The following PDCD6 variants were observed in gnomAD, a reference collection of about 807,000 sequenced individuals.
PDCD6 encodes programmed cell death 6, also known as programmed cell death protein 6.
A neutral mutation model predicts 28.3 loss-of-function variants in PDCD6; 12 were observed. The ratio of observed to expected loss-of-function variants is 0.42; its 90% confidence interval spans 0.27 to 0.69. PDCD6 has a LOEUF of 0.69. PDCD6 is among the 30% of genes least tolerant of loss of function. The pLI, the probability that PDCD6 is intolerant of heterozygous loss-of-function variation, is 0.22. For missense variants in PDCD6, 226 were observed against 269.9 expected (o/e 0.84, Z 1.14); for synonymous variants, 92 against 108.0 (o/e 0.85, Z 0.92).
At chr5:289,265 C>A (rs576801671) in intron 2 of PDCD6, 36 of 554,552 alleles carry the variant, frequency 6.5e-5, no homozygotes, top group African/African-American at 6.0e-4. Flanking sequence ...CCCTGAAATT[C>A]AGCAACAACT....
chr5:309,378 A>G (rs1740745587), intron 4 of PDCD6: 1 of 155,632 alleles, frequency 6.4e-6, no homozygotes, highest in African/African-American at 2.4e-5. Context: ...TCGTTTGTTC[A>G]TCCCTCATTT....
chr5:279,446 C>A (rs1166899544), intron 2 of PDCD6, among the ~76,000 whole-genome samples: 1 of 152,076 alleles, frequency 6.6e-6, no homozygotes, highest in Non-Finnish European at 1.5e-5. Flanking sequence ...GCGTGTGGAG[C>A]AGGCATGGTT....
At chr5:285,281 CG>C (rs917442386) in intron 2 of PDCD6, among the ~76,000 whole-genome samples, 3 of 151,476 alleles carry the variant, frequency 2.0e-5, no homozygotes, top group Admixed American at 6.6e-5. Context: ...GCTGGAGACC[CG>C]GGGGGGAACT....
rs565177980 is a variant in PDCD6 at position 307,350 on chromosome 5, G to A, written c.367+590G>A. 2.5e-5 allele frequency among the ~76,000 whole-genome samples: 3 copies of A among 117,990 alleles called. No homozygotes were observed. Among genetic ancestry groups the A allele is most frequent in the East Asian group, 4.1e-4 (2 of 4,834 alleles). 77.4% of individuals were successfully genotyped at this position (117,990 alleles called of 152,430 possible). A position where few individuals can be genotyped will look rare whatever the true frequency, so the allele number is the denominator to read the frequency against. ...AGGTGTGCTCGGCGTGTGTGTGCTC[G>A]GCGTGTGTGTGCACACGTGTGCCGT... is the stretch of plus-strand genomic sequence containing the variant. On this transcript the variant is annotated intron_variant, in intron 4 of 5. Transcript: ENST00000264933. The surrounding 1 kb of genome is among the most constrained non-coding windows in gnomAD (Gnocchi z 6.1).
At chr5:281,550 A>G (rs1462255948) in intron 2 of PDCD6, among the ~76,000 whole-genome samples, 2 of 152,120 alleles carry the variant, frequency 1.3e-5, no homozygotes, top group African/African-American at 4.8e-5. Context: ...AGGGTCATGC[A>G]GATGGAGATC....
chr5:290,334 T>TC, intron 2 of PDCD6: 1 of 1,207,654 alleles, frequency 8.3e-7, no homozygotes. Context: ...CTTCCTGGAG[T>TC]CCCTCACAGC....
chr5:296,866 AG>A (rs199507199), intron 2 of PDCD6, among the ~76,000 whole-genome samples: 14,466 of 151,912 alleles, frequency 0.095, 926 homozygotes, highest in Non-Finnish European at 0.13. Context: ...TTTCAGGGCA[AG>A]GGTCACCGGG....
intron 2 of PDCD6, among the ~76,000 whole-genome samples, chr5:291,615 T>C (rs917402620): frequency 6.6e-6 from 1 of 150,834 alleles, no homozygotes; most frequent in Non-Finnish European, 1.5e-5. Flanking sequence ...TTTTCATTAC[T>C]GCGTGATCTC....
chr5:299,784 G>T (rs2671910), intron 2 of PDCD6, among the ~76,000 whole-genome samples: 9 of 152,202 alleles, frequency 5.9e-5, no homozygotes, highest in African/African-American at 1.7e-4. Context: ...CTCCTCACCT[G>T]GTGATCCGCC....
rs755882063 is a variant in PDCD6 at position 306,591 on chromosome 5, C to G, written c.209-11C>G. ...GATCTTTTGCTGCTTGACCGTTCCT[C>G]TCTGTCTCAGCCATGTTTGACCGTG... is the stretch of plus-strand genomic sequence containing the variant. On this transcript the variant is annotated splice_polypyrimidine_tract_variant and intron_variant, in intron 3 of 5. Coordinates refer to ENST00000264933, the MANE Select transcript of PDCD6 (RefSeq NM_013232.4). 6.2e-6 allele frequency: 10 copies of G among 1,611,972 alleles called. No homozygotes were observed. In the South Asian group the frequency reaches 6.6e-5, roughly 11 times the overall value.
At chr5:275,563 C>T (rs755554063) in intron 2 of PDCD6, among the ~76,000 whole-genome samples, 27 of 152,182 alleles carry the variant, frequency 1.8e-4, no homozygotes, top group Non-Finnish European at 3.4e-4. Flanking sequence ...TAGAAGTAAA[C>T]TTTATGACAT....
At chr5:292,408 G>A (rs533050945) in intron 2 of PDCD6, among the ~76,000 whole-genome samples, 2 of 152,098 alleles carry the variant, frequency 1.3e-5, no homozygotes, top group Admixed American at 6.5e-5. Context: ...ACAGGCGCCC[G>A]CCACCACCCC....
intron 2 of PDCD6, among the ~76,000 whole-genome samples, chr5:287,725 A>G (rs1739059853): frequency 6.6e-6 from 1 of 152,198 alleles, no homozygotes. Context: ...TGTCATACAA[A>G]TTATGGTGGT....
rs1739151073 is a variant in PDCD6, at chr5:288,867, G to T, written c.164-15310G>T. The stretch of plus-strand genomic sequence containing the variant: ...CATTGGTTCATCGGTGACTTCTGTG[G>T]CTTCGTCATCATTTTCCATGGATGA... On this transcript the variant is annotated intron_variant, in intron 2 of 5. Coordinates refer to ENST00000264933, the MANE Select transcript of PDCD6 (RefSeq NM_013232.4). 7.2e-6 allele frequency: 11 copies of T among 1,532,998 alleles called. No individual in the cohort carries two copies. In the Admixed American group the frequency reaches 1.8e-4, roughly 25 times the overall value. The allele number at this position is 1,532,998 out of a possible 1,614,324, so 95.0% of individuals were successfully genotyped here.
chr5:297,359 C>T (rs560443804), intron 2 of PDCD6, among the ~76,000 whole-genome samples: 1 of 152,328 alleles, frequency 6.6e-6, no homozygotes, highest in East Asian at 1.9e-4. Flanking sequence ...GTAAAGGGTA[C>T]GGATTTCATA....
At chr5:297,862 C>A (rs1054570159) in intron 2 of PDCD6, among the ~76,000 whole-genome samples, 5 of 152,178 alleles carry the variant, frequency 3.3e-5, no homozygotes, top group Non-Finnish European at 5.9e-5. Context: ...TAGAATATGA[C>A]CTTTTGTCAC....
intron 4 of PDCD6, 47 bp downstream of exon 4, chr5:306,807 T>C (rs761651215): frequency 1.9e-6 from 3 of 1,575,518 alleles, no homozygotes; most frequent in Non-Finnish European, 2.6e-6. Flanking sequence ...TTTTGGAACC[T>C]TGGAGCCGTT....
intron 2 of PDCD6, among the ~76,000 whole-genome samples, chr5:275,154 C>T (rs1482093040): frequency 1.3e-5 from 2 of 152,312 alleles, no homozygotes; most frequent in African/African-American, 4.8e-5. Flanking sequence ...GGTGCAGTGG[C>T]TCACGCCTGA....
At position 288,995 on chromosome 5, in the gene PDCD6, A is replaced by T; in HGVS notation, c.164-15182A>T. 5 of 1,255,706 alleles carry T rather than the reference A, an allele frequency of 4.0e-6. No homozygotes were observed. The South Asian group carries it at 6.0e-5, about 15-fold the overall frequency. 77.8% of individuals were successfully genotyped at this position (1,255,706 alleles called of 1,614,324 possible). ...TACTTTCAGGGCCTTCGTTTTCATT[A>T]CCTTCGGAATGTAGTAAATCTTTCT... On this transcript the variant is annotated intron_variant, in intron 2 of 5. Coordinates refer to ENST00000264933, the MANE Select transcript of PDCD6 (RefSeq NM_013232.4).
Sources: allele counts gnomAD v4.1 joint callset (sites outside exome capture counted in the v4.1 genomes callset), GRCh38; gene constraint gnomAD v4.1.1; non-coding constraint Gnocchi (gnomAD v3.1); transcripts MANE v1.5; gene names NCBI Gene and HGNC (gene_info 2026-07-23, HGNC 2026-07-21).